Variants in PTPN14 observed in about 807,000 individuals in gnomAD.
PTPN14 encodes tyrosine-protein phosphatase non-receptor type 14.
PTPN14 carries 53 observed loss-of-function variants against 126.8 expected under a neutral mutation model. The ratio of observed to expected loss-of-function variants is 0.42; its 90% CI spans 0.34 to 0.53. The LOEUF (loss-of-function observed/expected upper bound fraction) is 0.53, where lower values mean the gene tolerates loss of function less well. PTPN14 is among the 20% of genes least tolerant of loss of function. The probability of loss-of-function intolerance (pLI) is 0.08; values close to 1 mark genes in which losing one functional copy is unlikely to be tolerated. For missense variants in PTPN14, 1,257 were observed against 1,552.9 expected (o/e 0.81, Z 3.20); for synonymous variants, 630 against 599.3 (o/e 1.05, Z -0.75).
chr1:214,392,577 C>T (rs1658781416), intron 10 of PTPN14, among the ~76,000 whole-genome samples: 1 of 152,088 alleles, frequency 6.6e-6, no homozygotes, highest in African/African-American at 2.4e-5. Context: ...AGTAGAAATA[C>T]ACAGAAGTGA....
chr1:214,474,191 C>T (rs917558711), intron 1 of PTPN14, among the ~76,000 whole-genome samples: 2 of 152,156 alleles, frequency 1.3e-5, no homozygotes, highest in Non-Finnish European at 2.9e-5. Flanking sequence ...AGTAATACCT[C>T]ACCTATATGA....
intron 2 of PTPN14, among the ~76,000 whole-genome samples, chr1:214,460,691 T>G (rs1237424870): frequency 1.3e-5 from 2 of 152,102 alleles, no homozygotes; most frequent in African/African-American, 2.4e-5. Context: ...TTCTTTCCTG[T>G]TTCTGTACCG....
chr1:214,371,778 G>A (rs1658224147), intron 16 of PTPN14, among the ~76,000 whole-genome samples: 1 of 152,146 alleles, frequency 6.6e-6, no homozygotes, highest in Non-Finnish European at 1.5e-5. Context: ...AGTACAACTG[G>A]CTTTAAAGAG....
intron 3 of PTPN14, among the ~76,000 whole-genome samples, chr1:214,421,421 AC>A (rs1385086867): frequency 6.6e-6 from 1 of 152,198 alleles, no homozygotes; most frequent in African/African-American, 2.4e-5. Context: ...ATGCCTGCTA[AC>A]ATTTTGAAAT....
At chr1:214,483,036 T>G in intron 1 of PTPN14, 1 of 1,604,110 alleles carries the variant, frequency 6.2e-7, no homozygotes, top group Non-Finnish European at 8.5e-7. Flanking sequence ...GCAAGAATAC[T>G]GTGAACCTTG....
chr1:214,478,340 G>A (rs937228754), intron 1 of PTPN14, among the ~76,000 whole-genome samples: 2 of 152,150 alleles, frequency 1.3e-5, no homozygotes, highest in African/African-American at 4.8e-5. Context: ...TGCTCATGAT[G>A]TGTTACTAAG....
chr1:214,397,583 A>G (rs1012230572), intron 8 of PTPN14, among the ~76,000 whole-genome samples: 3 of 152,248 alleles, frequency 2.0e-5, no homozygotes, highest in African/African-American at 7.2e-5. Context: ...CTCTTGTGGC[A>G]CAGGTGGTTC....
At chr1:214,510,692 G>C (rs1654951969) in intron 1 of PTPN14, among the ~76,000 whole-genome samples, 1 of 152,098 alleles carries the variant, frequency 6.6e-6, no homozygotes. Context: ...CTCTCAGGAG[G>C]TAAGGCAATC....
At chr1:214,521,725 C>CCA (rs34671352) in intron 1 of PTPN14, among the ~76,000 whole-genome samples, 27,956 of 149,030 alleles carry the variant, frequency 0.19, 2,638 homozygotes, top group Middle Eastern at 0.37. Flanking sequence ...CAAAGCACAC[C>CCA]CACACACACA....
intron 16 of PTPN14, chr1:214,372,397 G>A: frequency 3.1e-6 from 1 of 318,322 alleles, no homozygotes; most frequent in South Asian, 2.7e-5. Context: ...CAGAAAGTCA[G>A]CAGGTTGAAC....
rs1438276042 is a variant in PTPN14 at position 214,349,637 on chromosome 1, T to C, written c.*8285A>G. On this transcript the variant is annotated 3_prime_UTR_variant, in exon 19 of 19. Transcript: ENST00000366956. ...TAATTTGCATATTTAAACCTTTTTT[T>C]CCACTGAAGTATCCTCAAGCACATT... The C allele has an allele frequency of 6.6e-6, 1 of 152,212 alleles. No homozygotes were observed. The highest frequency in any genetic ancestry group is 1.5e-5 in the Non-Finnish European group (1 of 68,034). The allele number at this position is 152,212 out of a possible 1,614,324, so 9.4% of individuals were successfully genotyped here.
At chr1:214,429,834 A>G (rs1252177420) in intron 3 of PTPN14, among the ~76,000 whole-genome samples, 1 of 152,254 alleles carries the variant, frequency 6.6e-6, no homozygotes, top group Non-Finnish European at 1.5e-5. Flanking sequence ...AAAGGTAGAT[A>G]CATTTTTTCA....
At chr1:214,471,993 T>A (rs1471379741) in intron 1 of PTPN14, among the ~76,000 whole-genome samples, 1 of 152,206 alleles carries the variant, frequency 6.6e-6, no homozygotes, top group African/African-American at 2.4e-5. Context: ...TCTCTCATCC[T>A]ACAATCACTC....
chr1:214,452,233 A>G (rs1283735803), intron 2 of PTPN14, among the ~76,000 whole-genome samples: 1 of 152,204 alleles, frequency 6.6e-6, no homozygotes, highest in Non-Finnish European at 1.5e-5. Flanking sequence ...CGCCCATGTG[A>G]GGTAAGGGGA....
At chr1:214,372,662 C>T (rs1001259031) in intron 16 of PTPN14, 49 bp downstream of exon 16, 16 of 1,612,500 alleles carry the variant, frequency 9.9e-6, no homozygotes, top group South Asian at 2.2e-5. Context: ...ATCTTCTGGC[C>T]ACCCTTTCCC....
At chr1:214,376,549 T>C in intron 14 of PTPN14, 112 bp from the exon 15 acceptor site, 3 of 876,698 alleles carry the variant, frequency 3.4e-6, no homozygotes, top group Non-Finnish European at 3.5e-6. Flanking sequence ...TTTCAAGTTC[T>C]ACAATCAATG....
intron 3 of PTPN14, among the ~76,000 whole-genome samples, chr1:214,415,432 G>A (rs1659404208): frequency 6.6e-6 from 1 of 152,156 alleles, no homozygotes; most frequent in Non-Finnish European, 1.5e-5. Flanking sequence ...TCTCACTCAA[G>A]ACGTTTATTT....
chr1:214,506,412 G>A (rs999728563), intron 1 of PTPN14, among the ~76,000 whole-genome samples: 36 of 152,028 alleles, frequency 2.4e-4, no homozygotes, highest in African/African-American at 8.4e-4. Context: ...AGCTACTCCC[G>A]AGGCTGAGAC....
At chr1:214,520,135 T>C (rs1289656469) in intron 1 of PTPN14, among the ~76,000 whole-genome samples, 1 of 149,938 alleles carries the variant, frequency 6.7e-6, no homozygotes, top group African/African-American at 2.5e-5. Context: ...TGCCCATCAT[T>C]TGGTAGAGAT....
Sources: gnomAD v4.1 joint callset for allele counts (sites outside exome capture counted in the v4.1 genomes callset) on GRCh38, gnomAD v4.1.1 for gene constraint, MANE v1.5 for transcripts, NCBI Gene and HGNC (gene_info 2026-07-23, HGNC 2026-07-21) for gene names.